ITGB6: variants seen among roughly 807,000 people sequenced by gnomAD.
The protein encoded by ITGB6 is integrin subunit beta 6.
Under a neutral mutation model 84.5 loss-of-function variants are expected in ITGB6, and 80 were observed. That is an observed-to-expected ratio of 0.95 (90% confidence interval 0.79 to 1.14). ITGB6 has a LOEUF of 1.14. ITGB6 is among the 50% of genes most tolerant of loss of function. ITGB6 has a pLI of 0.00. For synonymous variants in ITGB6, 383 were observed against 354.9 expected, an observed-to-expected ratio of 1.08 and a Z score of -0.89; for missense variants, 1,006 against 968.0, an observed-to-expected ratio of 1.04 and a Z score of -0.52.
chr2:160,182,934 G>A (rs1308789199), intron 4 of ITGB6, among the ~76,000 whole-genome samples: 2 of 152,116 alleles, frequency 1.3e-5, no homozygotes, highest in African/African-American at 4.8e-5. Context: ...TTACAGACAA[G>A]CAAATGCTGA....
At chr2:160,190,126 T>C (rs560551605) in intron 4 of ITGB6, among the ~76,000 whole-genome samples, 1 of 149,980 alleles carries the variant, frequency 6.7e-6, no homozygotes, top group South Asian at 2.1e-4. Context: ...ACACTGCATG[T>C]TCTCACTCAT....
chr2:160,115,801 G>A (rs553680452), intron 12 of ITGB6, among the ~76,000 whole-genome samples: 179 of 152,258 alleles, frequency 1.2e-3, no homozygotes, highest in African/African-American at 4.0e-3. Context: ...AATAATCAAC[G>A]CAGAGAAGTC....
Position 160,155,556 on chromosome 2 carries a change from G to C in ITGB6, c.1018-13485C>G, listed in dbSNP as rs138668638. Reference sequence around the variant, plus strand: ...GGGGAAGGCTATACATTTATGGAGAGAGTAGGTATATGGGAAATCTCTCTA... The same window carrying C: ...GGGGAAGGCTATACATTTATGGAGACAGTAGGTATATGGGAAATCTCTCTA... On this transcript the variant is annotated intron_variant, in intron 7 of 14. Coordinates refer to ENST00000283249, the MANE Select transcript of ITGB6 (RefSeq NM_000888.5). 3.7e-3 allele frequency among the ~76,000 whole-genome samples: 566 copies of C among 152,262 alleles called. 4 individuals carry two copies. The highest frequency in any genetic ancestry group is 5.2e-3 in the Non-Finnish European group (357 of 68,016).
At chr2:160,199,359 A>G (rs1276143505) in intron 1 of ITGB6, 101 bp from the exon 2 acceptor site, 2 of 807,504 alleles carry the variant, frequency 2.5e-6, no homozygotes, top group Non-Finnish European at 4.2e-6. Context: ...ACAACATCAA[A>G]GTTTAGTTTA....
At chr2:160,186,727 A>C (rs1205961816) in intron 4 of ITGB6, among the ~76,000 whole-genome samples, 2 of 152,246 alleles carry the variant, frequency 1.3e-5, no homozygotes, top group Non-Finnish European at 2.9e-5. Context: ...AATGTCCATC[A>C]ATGATAGACT....
chr2:160,128,065 C>T (rs905017169), intron 10 of ITGB6, among the ~76,000 whole-genome samples: 3 of 152,116 alleles, frequency 2.0e-5, no homozygotes, highest in African/African-American at 7.2e-5. Flanking sequence ...TGAGCATATA[C>T]TATGTGCCAA....
intron 10 of ITGB6, among the ~76,000 whole-genome samples, chr2:160,135,929 T>C (rs910955213): frequency 9.9e-5 from 15 of 152,110 alleles, no homozygotes; most frequent in African/African-American, 3.6e-4. Flanking sequence ...ATTTAAATAT[T>C]AGACCTAAAA....
intron 8 of ITGB6, among the ~76,000 whole-genome samples, chr2:160,141,421 G>A (rs1310675417): frequency 1.3e-5 from 2 of 152,166 alleles, no homozygotes; most frequent in Admixed American, 1.3e-4. Context: ...TCTGTCCTCA[G>A]GTACTAATTC....
chr2:160,115,921 G>C (rs989683963), intron 12 of ITGB6, among the ~76,000 whole-genome samples: 1 of 151,062 alleles, frequency 6.6e-6, no homozygotes, highest in Non-Finnish European at 1.5e-5. Context: ...AGTGATGGAA[G>C]ATGAAATGAA....
At chr2:160,125,432 G>A (rs1683199244) in intron 11 of ITGB6, among the ~76,000 whole-genome samples, 1 of 152,156 alleles carries the variant, frequency 6.6e-6, no homozygotes, top group African/African-American at 2.4e-5. Context: ...AGTAATAGAA[G>A]AAACACCTTG....
At chr2:160,153,620 G>A (rs1243503516) in intron 7 of ITGB6, among the ~76,000 whole-genome samples, 1 of 152,120 alleles carries the variant, frequency 6.6e-6, no homozygotes, top group African/African-American at 2.4e-5. Context: ...CTTCTGCACA[G>A]TAAAAGAAAC....
chr2:160,182,207 G>C (rs1043822307), intron 4 of ITGB6, among the ~76,000 whole-genome samples: 1 of 152,134 alleles, frequency 6.6e-6, no homozygotes, highest in Non-Finnish European at 1.5e-5. Flanking sequence ...AACTAAAGGA[G>C]CATGTTCTAA....
At position 160,106,479 on chromosome 2, in the gene ITGB6, T is replaced by A. The variant is rs188826115; in HGVS notation, c.2268+1200A>T. ...GAACTCCTGAGCTCAAGTGATCCAATCCTCCTGTCTTGGCCTCCCAAAGTT... is the reference window on the plus strand; with the variant it reads ...GAACTCCTGAGCTCAAGTGATCCAAACCTCCTGTCTTGGCCTCCCAAAGTT... On this transcript the variant is annotated intron_variant, in intron 14 of 14. Transcript: ENST00000283249. 2.3e-3 allele frequency among the ~76,000 whole-genome samples: 349 copies of A among 152,300 alleles called. 1 individual carries two copies. Among genetic ancestry groups the A allele is most frequent in the African/African-American group, 7.9e-3 (328 of 41,574 alleles).
At chr2:160,120,669 A>T (rs1252950906) in intron 12 of ITGB6, among the ~76,000 whole-genome samples, 1 of 24,346 alleles carries the variant, frequency 4.1e-5, no homozygotes, top group East Asian at 1.9e-3. Context: ...GAGTATAATT[A>T]AAAAAAAAAA....
rs1323274146 is a variant in ITGB6, at chr2:160,101,278, A to G, written c.*458T>C. 1 of 153,996 alleles carries G rather than the reference A, an allele frequency of 6.5e-6. No individual in the cohort carries two copies. The highest frequency in any genetic ancestry group is 1.9e-4 in the East Asian group (1 of 5,226). The allele number at this position is 153,996 out of a possible 1,614,324, so 9.5% of individuals were successfully genotyped here. A position where few individuals can be genotyped will look rare whatever the true frequency, so the allele number is the denominator to read the frequency against. On this transcript the variant is annotated 3_prime_UTR_variant, in exon 15 of 15. Coordinates refer to ENST00000283249, the MANE Select transcript of ITGB6 (RefSeq NM_000888.5). The stretch of plus-strand genomic sequence containing the variant: ...AGAATCTCATTTCTCAGAGATTTAA[A>G]AAAAATTCTCCTTTAAGAGAGGGCA...
At chr2:160,199,380 T>G in intron 1 of ITGB6, 122 bp from the exon 2 acceptor site, 3 of 673,794 alleles carry the variant, frequency 4.5e-6, no homozygotes, top group Non-Finnish European at 7.9e-6. Context: ...GTATCCAAAA[T>G]CAGTCCTCGA....
intron 4 of ITGB6, among the ~76,000 whole-genome samples, chr2:160,177,325 G>A (rs900660574): frequency 4.2e-4 from 64 of 152,018 alleles, no homozygotes; most frequent in African/African-American, 1.5e-3. Flanking sequence ...CCAGCACTTT[G>A]GGAGGCCGAG....
chr2:160,186,793 G>C (rs375740362), intron 4 of ITGB6, among the ~76,000 whole-genome samples: 1 of 152,074 alleles, frequency 6.6e-6, no homozygotes, highest in Non-Finnish European at 1.5e-5. Flanking sequence ...TCATAAAAAA[G>C]GATGAGTTCA....
intron 7 of ITGB6, among the ~76,000 whole-genome samples, chr2:160,146,576 T>C (rs1020706718): frequency 1.3e-5 from 2 of 152,220 alleles, no homozygotes; most frequent in Non-Finnish European, 2.9e-5. Flanking sequence ...TGTCATATAA[T>C]CTGCTCACAA....
Sources: allele counts gnomAD v4.1 joint callset (sites outside exome capture counted in the v4.1 genomes callset), GRCh38; gene constraint gnomAD v4.1.1; transcripts MANE v1.5; gene names NCBI Gene and HGNC (gene_info 2026-07-23, HGNC 2026-07-21).